AOPEP: variants seen among roughly 807,000 people sequenced by gnomAD.
The protein encoded by AOPEP is aminopeptidase O.
Under a neutral mutation model 98.1 loss-of-function variants are expected in AOPEP, and 77 were observed. The ratio of observed to expected loss-of-function variants is 0.78; its 90% CI spans 0.65 to 0.95. The LOEUF is 0.95. AOPEP is among the 40% of genes least tolerant of loss of function. AOPEP has a pLI of 0.00. For missense variants in AOPEP, 1,024 were observed against 1,024.7 expected (o/e 1.00, Z 0.01); for synonymous variants, 346 against 365.3 (o/e 0.95, Z 0.60).
At chr9:95,005,329 C>T in intron 12 of AOPEP, 109 bp downstream of exon 12, 4 of 730,220 alleles carry the variant, frequency 5.5e-6, no homozygotes, top group Non-Finnish European at 7.4e-6. Flanking sequence ...GGACTACCCG[C>T]CAGGCTCCGG....
the AOPEP span, among the ~76,000 whole-genome samples, chr9:95,131,252 C>A: frequency 6.6e-6 from 1 of 152,164 alleles, no homozygotes; most frequent in Non-Finnish European, 1.5e-5. Flanking sequence ...TCCCCAGCAC[C>A]CCCTCCCCTG....
intron 13 of AOPEP, chr9:95,022,368 G>T (rs761465831): frequency 6.6e-6 from 1 of 152,072 alleles, no homozygotes; most frequent in Non-Finnish European, 1.5e-5. Context: ...TTTGAGATGG[G>T]GTCTCTGTCG....
At chr9:94,774,179 G>T (rs914212125) in intron 3 of AOPEP, among the ~76,000 whole-genome samples, 5 of 151,854 alleles carry the variant, frequency 3.3e-5, no homozygotes, top group African/African-American at 1.2e-4. Context: ...GGGCGTGGGG[G>T]CGGTTGCCTG....
At chr9:94,744,477 G>A (rs1833983889) in intron 1 of AOPEP, among the ~76,000 whole-genome samples, 1 of 151,952 alleles carries the variant, frequency 6.6e-6, no homozygotes, top group Non-Finnish European at 1.5e-5. Context: ...AAGGTGGGCG[G>A]ATCACCTGAG....
At position 94,923,975 on chromosome 9, in the gene AOPEP, A is replaced by G. The variant is rs1419401367; in HGVS notation, c.1365-11A>G. ...CAAGACTCTGTGCATTTTCTCCCCC[A>G]TTATCCACAGCCCACACATCATGTT... On this transcript the variant is annotated splice_polypyrimidine_tract_variant and intron_variant, in intron 5 of 16. Transcript: ENST00000375315. 4.3e-6 allele frequency: 6 copies of G among 1,392,986 alleles called. No individual in the cohort carries two copies. Among genetic ancestry groups the G allele is most frequent in the Non-Finnish European group, 5.6e-6 (6 of 1,062,400 alleles). The allele number at this position is 1,392,986 out of a possible 1,614,324, so 86.3% of individuals were successfully genotyped here. A position where few individuals can be genotyped will look rare whatever the true frequency, so the allele number is the denominator to read the frequency against.
At chr9:95,056,849 A>C (rs901962117) in intron 13 of AOPEP, among the ~76,000 whole-genome samples, 1 of 152,226 alleles carries the variant, frequency 6.6e-6, no homozygotes, top group Non-Finnish European at 1.5e-5. Context: ...GACCTCGTTT[A>C]GCATTTTATT....
chr9:94,957,611 G>T (rs1013095833), intron 9 of AOPEP, among the ~76,000 whole-genome samples: 2 of 152,122 alleles, frequency 1.3e-5, no homozygotes, highest in African/African-American at 4.8e-5. Flanking sequence ...CAAGTCAGTG[G>T]TTTTTGGTAT....
chr9:94,859,121 CA>C (rs900495579), intron 5 of AOPEP, among the ~76,000 whole-genome samples: 3 of 151,634 alleles, frequency 2.0e-5, no homozygotes, highest in African/African-American at 4.8e-5. Flanking sequence ...TGTCTCAAAG[CA>C]AAAAGACACA....
At chr9:94,825,040 A>G (rs779121189) in intron 5 of AOPEP, among the ~76,000 whole-genome samples, 1 of 152,164 alleles carries the variant, frequency 6.6e-6, no homozygotes, top group East Asian at 1.9e-4. Flanking sequence ...AGATGTTAGC[A>G]TGGCTTTGAA....
At chr9:94,770,986 C>G (rs1252470495) in intron 2 of AOPEP, among the ~76,000 whole-genome samples, 1 of 152,200 alleles carries the variant, frequency 6.6e-6, no homozygotes, top group Admixed American at 6.5e-5. Flanking sequence ...ACATCACTTA[C>G]TAAGTCCTGA....
intron 1 of AOPEP, among the ~76,000 whole-genome samples, chr9:94,736,080 T>C (rs1328661201): frequency 1.3e-5 from 2 of 152,224 alleles, no homozygotes; most frequent in Admixed American, 6.5e-5. Flanking sequence ...TTGATGGTCA[T>C]TTGGTTGTTT....
rs145728442 is a variant in AOPEP, at chr9:94,759,988, A to G, written c.205A>G (p.Asn69Asp). The G allele has an allele frequency of 8.1e-6, 13 of 1,614,130 alleles. No individual in the cohort carries two copies. The African/African-American group carries it at 1.6e-4, about 20-fold the overall frequency. ...TGAGGAAGCCTGCCAATCAGAATCA[A>G]ACAAAGCCTGCAAATTTGGGATGCC... ...SIEEACQSES[N>D]KACKFGMPEP... Residue 69 changes from asparagine to aspartate, a missense_variant, in exon 2 of 17, where the codon AAC (asparagine) becomes GAC (aspartate). Coordinates refer to ENST00000375315, the MANE Select transcript of AOPEP (RefSeq NM_001193329.3).
At chr9:94,810,419 AT>A (rs992495113) in intron 5 of AOPEP, among the ~76,000 whole-genome samples, 2 of 150,844 alleles carry the variant, frequency 1.3e-5, no homozygotes, top group Non-Finnish European at 2.9e-5. Context: ...GGTTCAAGCG[AT>A]TCTCCTGCCT....
intron 5 of AOPEP, among the ~76,000 whole-genome samples, chr9:94,866,484 C>G (rs1220652906): frequency 6.6e-6 from 1 of 152,144 alleles, no homozygotes; most frequent in Non-Finnish European, 1.5e-5. Context: ...TCTACTAGTT[C>G]ATTAAAAACT....
At chr9:94,948,127 T>C (rs1173610448) in intron 7 of AOPEP, among the ~76,000 whole-genome samples, 2 of 152,192 alleles carry the variant, frequency 1.3e-5, no homozygotes, top group Non-Finnish European at 2.9e-5. Flanking sequence ...CGGTTGCTGT[T>C]CTTGACTGTG....
intron 13 of AOPEP, among the ~76,000 whole-genome samples, chr9:95,058,813 C>T (rs571480749): frequency 5.3e-5 from 8 of 152,236 alleles, no homozygotes; most frequent in Admixed American, 1.3e-4. Flanking sequence ...CCCTGGGAGA[C>T]GGGTTAGGGG....
chr9:94,763,600 G>T (rs1010283328), intron 2 of AOPEP, among the ~76,000 whole-genome samples: 12 of 152,152 alleles, frequency 7.9e-5, no homozygotes, highest in Admixed American at 5.9e-4. Context: ...ATTTTCCAAT[G>T]AAGAGAACTA....
intron 5 of AOPEP, among the ~76,000 whole-genome samples, chr9:94,880,018 A>G (rs2047382671): frequency 6.6e-6 from 1 of 152,262 alleles, no homozygotes; most frequent in South Asian, 2.1e-4. Context: ...TTGTTTTTCC[A>G]AATTAAATGC....
At chr9:94,934,315 C>CTTTTTTTTTTTTTTTTTTTTTTTTTTT (rs974551445) in intron 7 of AOPEP, among the ~76,000 whole-genome samples, 3 of 116,742 alleles carry the variant, frequency 2.6e-5, no homozygotes, top group African/African-American at 1.2e-4. Context: ...CTTCTCCCAT[C>CTTTTTTTTTTTTTTTTTTTTTTTTTTT]TTTTTTTTTT....
Sources: allele counts gnomAD v4.1 joint callset (sites outside exome capture counted in the v4.1 genomes callset), GRCh38; gene constraint gnomAD v4.1.1; transcripts MANE v1.5; gene names NCBI Gene and HGNC (gene_info 2026-07-23, HGNC 2026-07-21).